FRY: variants seen among roughly 807,000 people sequenced by gnomAD.
FRY encodes the protein protein furry homolog.
A neutral mutation model predicts 348.4 loss-of-function variants in FRY; 128 were observed. The observed-to-expected ratio is 0.37, with a 90% confidence interval of 0.32 to 0.43. The LOEUF is 0.43. FRY is among the 20% of genes least tolerant of loss of function. FRY has a pLI of 1.00. For missense variants in FRY, 2,736 were observed against 3,695.2 expected (o/e 0.74, Z 6.73); for synonymous variants, 1,370 against 1,374.7 (o/e 1.00, Z 0.08).
intron 50 of FRY, among the ~76,000 whole-genome samples, chr13:32,253,345 T>G (rs1184833122): frequency 6.6e-6 from 1 of 152,254 alleles, no homozygotes; most frequent in Non-Finnish European, 1.5e-5. Context: ...AATCCATTCA[T>G]TCTTTCTACT....
chr13:32,182,210 A>G (rs1428629884), intron 23 of FRY, among the ~76,000 whole-genome samples: 1 of 152,156 alleles, frequency 6.6e-6, no homozygotes, highest in East Asian at 1.9e-4. Flanking sequence ...CTGTTTTTTG[A>G]CCTAGCAATT....
At chr13:32,104,826 AAAG>A (rs1243466592) in intron 3 of FRY, among the ~76,000 whole-genome samples, 2 of 152,164 alleles carry the variant, frequency 1.3e-5, no homozygotes, top group Non-Finnish European at 2.9e-5. Context: ...ATGGTTTTAT[AAAG>A]AAGAGTTCCC....
At chr13:32,055,545 A>G (rs1873578729) in intron 1 of FRY, among the ~76,000 whole-genome samples, 2 of 152,186 alleles carry the variant, frequency 1.3e-5, no homozygotes, top group Non-Finnish European at 2.9e-5. Context: ...GTAGGTCTTC[A>G]TGAGGCCATT....
Position 32,185,161 on chromosome 13 carries a change from GT to G in FRY, c.3319+15del. 6.2e-7 allele frequency: 1 copy of G among 1,611,518 alleles called. No homozygotes were observed. Among genetic ancestry groups the G allele is most frequent in the Non-Finnish European group, 8.5e-7 (1 of 1,177,838 alleles). Reference sequence around the variant, plus strand: ...CAGTGTGTTCCAGGTACGGTGATCCGTTACAAGAAATTACCATTCATGCTTG... The same window carrying G: ...CAGTGTGTTCCAGGTACGGTGATCCGTACAAGAAATTACCATTCATGCTTG... On this transcript the variant is annotated intron_variant, in intron 26 of 60. Transcript: ENST00000542859.
intron 1 of FRY, among the ~76,000 whole-genome samples, chr13:32,053,042 GGCGGAGGTC>G (rs1348157163): frequency 2.0e-5 from 3 of 152,004 alleles, no homozygotes; most frequent in Non-Finnish European, 2.9e-5. Context: ...GAACCCGGGA[GGCGGAGGTC>G]GCAATGAGCT....
intron 28 of FRY, among the ~76,000 whole-genome samples, chr13:32,192,159 T>TG (rs1182102815): frequency 1.3e-5 from 2 of 152,294 alleles, no homozygotes; most frequent in East Asian, 3.9e-4. Flanking sequence ...AAATGACTCA[T>TG]GATATACATA....
chr13:32,272,746 T>A (rs1449940889), intron 55 of FRY, among the ~76,000 whole-genome samples: 1 of 150,560 alleles, frequency 6.6e-6, no homozygotes, highest in South Asian at 2.1e-4. Flanking sequence ...TTTTTGTTGG[T>A]TTTTTTTGAG....
chr13:32,052,721 T>C (rs379693), intron 1 of FRY, among the ~76,000 whole-genome samples: 1 of 152,100 alleles, frequency 6.6e-6, no homozygotes, highest in African/African-American at 2.4e-5. Context: ...AGTACTTTCA[T>C]ATATGCAGAT....
intron 52 of FRY, 72 bp downstream of exon 52, chr13:32,261,888 C>T: frequency 2.2e-6 from 3 of 1,392,418 alleles, no homozygotes; most frequent in Admixed American, 3.5e-5. Context: ...GGACAGTTTC[C>T]AGTTGCAGCT....
At chr13:32,032,420 C>T (rs959363365) in intron 1 of FRY, among the ~76,000 whole-genome samples, 1 of 152,154 alleles carries the variant, frequency 6.6e-6, no homozygotes, top group Non-Finnish European at 1.5e-5. Flanking sequence ...TTTCATCTCT[C>T]CCTCTTCCAT....
At position 32,078,842 on chromosome 13, in the gene FRY, G is replaced by T; in HGVS notation, c.79G>T (p.Val27Phe). 1 of 1,613,618 alleles carries T rather than the reference G, an allele frequency of 6.2e-7. No individual in the cohort carries two copies. The highest frequency in any genetic ancestry group is 2.2e-5 in the East Asian group (1 of 44,878). Residue 27 changes from valine (V) to phenylalanine (F), a missense_variant, in exon 2 of 61, where the codon GTT (valine) becomes TTT (phenylalanine). By Grantham distance (50) the Val-to-Phe change is conservative. This residue lies in a region of FRY where 309 missense variants were observed against 418.1 expected (regional missense o/e 0.74). Coordinates refer to ENST00000542859, the MANE Select transcript of FRY (RefSeq NM_023037.3). ...CCCATTCTGTTTTTCAGCTTCTCCCGTTGGCAACGGTTACATCAAGCCTCC... is the reference window on the plus strand; with the variant it reads ...CCCATTCTGTTTTTCAGCTTCTCCCTTTGGCAACGGTTACATCAAGCCTCC... ...LLKSWSNTSP[V>F]GNGYIKPPVP...
intron 2 of FRY, 38 bp downstream of exon 2, chr13:32,079,071 C>G: frequency 7.6e-7 from 1 of 1,314,140 alleles, no homozygotes; most frequent in Non-Finnish European, 1.1e-6. Flanking sequence ...TTTGAAAATT[C>G]ATCTGTATGC....
chr13:32,173,225 A>G, intron 18 of FRY, 142 bp from the exon 19 acceptor site: 1 of 631,958 alleles, frequency 1.6e-6, no homozygotes, highest in Non-Finnish European at 2.8e-6. Flanking sequence ...TAATAAATTC[A>G]TAGACATGTC....
intron 14 of FRY, among the ~76,000 whole-genome samples, chr13:32,154,954 G>C (rs1183971365): frequency 6.6e-6 from 1 of 152,170 alleles, no homozygotes; most frequent in Non-Finnish European, 1.5e-5. Context: ...GTTTTCATCA[G>C]TAACAGGTTC....
chr13:32,257,949 C>A, intron 51 of FRY: 1 of 1,605,130 alleles, frequency 6.2e-7, no homozygotes, highest in Non-Finnish European at 8.5e-7. Flanking sequence ...TCTGCTCATT[C>A]AATCTGCTAC....
Position 32,178,867 on chromosome 13 carries a change from C to G in FRY, c.2705C>G (p.Thr902Ser). Reference sequence around the variant, plus strand: ...AGTAGCCCAATTAATGCCAAGAAAACCAGCACTGCCGGCAGCGGAGACAAC... The same window carrying G: ...AGTAGCCCAATTAATGCCAAGAAAAGCAGCACTGCCGGCAGCGGAGACAAC... ...DPNSPINAKK[T>S]STAGSGDNYV... The change falls in exon 22 of 61, where the codon ACC (threonine) becomes AGC (serine). Residue 902 changes from threonine (T) to serine (S), a missense_variant. Transcript: ENST00000542859. The G allele has an allele frequency of 6.2e-7, 1 of 1,613,314 alleles. No homozygotes were observed. Among genetic ancestry groups the G allele is most frequent in the Non-Finnish European group, 8.5e-7 (1 of 1,179,274 alleles).
At chr13:32,098,983 T>G (rs1207453130) in intron 2 of FRY, among the ~76,000 whole-genome samples, 1 of 151,844 alleles carries the variant, frequency 6.6e-6, no homozygotes, top group East Asian at 1.9e-4. Context: ...AAGACCACCA[T>G]GTGCGTTTCT....
chr13:32,056,206 A>AG (rs11372302), intron 1 of FRY, among the ~76,000 whole-genome samples: 1 of 150,300 alleles, frequency 6.7e-6, no homozygotes, highest in African/African-American at 2.4e-5. Flanking sequence ...AAAAAAAAAA[A>AG]GGAATATACC....
rs995281049 is a variant in FRY, at chr13:32,268,973, T to C, written c.8136+1614T>C. 9.2e-5 allele frequency among the ~76,000 whole-genome samples: 14 copies of C among 152,320 alleles called. 1 individual carries two copies. Reference sequence around the variant, plus strand: ...GGAACTATCTAGTTCCAACTTTGAATAGACTTGAATTTTGAATGAATGACC... The same window carrying C: ...GGAACTATCTAGTTCCAACTTTGAACAGACTTGAATTTTGAATGAATGACC... On this transcript the variant is annotated intron_variant, in intron 55 of 60. Coordinates refer to ENST00000542859, the MANE Select transcript of FRY (RefSeq NM_023037.3).
Sources: gnomAD v4.1 joint callset for allele counts (sites outside exome capture counted in the v4.1 genomes callset) on GRCh38, gnomAD v4.1.1 for gene constraint, gnomAD v4.1.1 regional missense constraint, MANE v1.5 for transcripts, NCBI Gene and HGNC (gene_info 2026-07-23, HGNC 2026-07-21) for gene names.